The following GARNL3 variants were observed in gnomAD, a reference collection of about 807,000 sequenced individuals.
GARNL3 encodes the protein GTPase activating Rap/RanGAP domain like 3, also known as GTPase-activating Rap/Ran-GAP domain-like protein 3.
In GARNL3, 63 loss-of-function variants were observed where a neutral mutation model predicts 125.0. The ratio of observed to expected loss-of-function variants is 0.50; its 90% CI spans 0.41 to 0.62. The LOEUF is 0.62. Ranked by LOEUF, GARNL3 falls within the 20% of genes least tolerant of loss-of-function variation. The pLI, the probability that GARNL3 is intolerant of heterozygous loss-of-function variation, is 0.00. For missense variants in GARNL3, 994 were observed against 1,244.0 expected (o/e 0.80, Z 3.02); for synonymous variants, 439 against 457.5 (o/e 0.96, Z 0.52).
intron 8 of GARNL3, 89 bp downstream of exon 8, chr9:127,332,438 G>A: frequency 2.0e-6 from 2 of 1,006,658 alleles, no homozygotes; most frequent in Non-Finnish European, 3.1e-6. Flanking sequence ...TGTCTGTTGA[G>A]TTGGAGTCTT....
chr9:127,332,979 T>A, intron 8 of GARNL3, 44 bp from the exon 9 acceptor site: 1 of 1,335,650 alleles, frequency 7.5e-7, no homozygotes, highest in Non-Finnish European at 1.1e-6. Flanking sequence ...AAATGAGGAC[T>A]TGTTGATGCC....
chr9:127,355,184 T>C (rs1830621669), intron 19 of GARNL3, 113 bp from the exon 20 acceptor site: 11 of 793,228 alleles, frequency 1.4e-5, no homozygotes, highest in Non-Finnish European at 2.1e-5. Context: ...TCTCAGTCCA[T>C]TCACTGAGTT....
In GARNL3 at chr9:127,242,189, C is replaced by T. The variant is rs992005109; in HGVS notation, c.-28-890C>T. On this transcript the variant is annotated intron_variant, in intron 1 of 10. Transcript: ENST00000439286. The surrounding 1 kb of genome is among the most constrained non-coding windows in gnomAD (Gnocchi z 4.6). Reference sequence around the variant, plus strand: ...TCTTTCTTTCTTTTTTAAATTCACTCGCGACTCCAGCCAGAGATGTCACGT... The same window carrying T: ...TCTTTCTTTCTTTTTTAAATTCACTTGCGACTCCAGCCAGAGATGTCACGT... 6.6e-6 allele frequency among the ~76,000 whole-genome samples: 1 copy of T among 151,958 alleles called. No homozygotes were observed. The highest frequency in any genetic ancestry group is 2.4e-5 in the African/African-American group (1 of 41,364).
intron 21 of GARNL3, 24 bp from the exon 22 acceptor site, chr9:127,365,276 T>A (rs1249485235): frequency 1.2e-6 from 2 of 1,603,908 alleles, no homozygotes; most frequent in Non-Finnish European, 1.7e-6. Context: ...GCCTGCCCAC[T>A]ACCGTTGCCC....
chr9:127,389,100 G>A lies in GARNL3; in HGVS notation c.2724G>A (p.Arg908=), dbSNP rs779766331. Residue 908 remains arginine (R), a synonymous_variant, in exon 26 of 28, where the codon AGG becomes AGA. Coordinates refer to ENST00000373387, the MANE Select transcript of GARNL3 (RefSeq NM_032293.5). ...SRMEIKEIAS[R]TRRELLGLSD... ...TGGAGATCAAAGAAATAGCAAGCAG[G>A]ACCCGCAGGGAACTACTGGGTAATG... 4 of 1,613,722 alleles carry A rather than the reference G, an allele frequency of 2.5e-6. No individual in the cohort carries two copies. Among genetic ancestry groups the A allele is most frequent in the Non-Finnish European group, 3.4e-6 (4 of 1,179,640 alleles).
intron 4 of GARNL3, among the ~76,000 whole-genome samples, chr9:127,316,294 C>G (rs1343909781): frequency 2.0e-5 from 3 of 152,064 alleles, no homozygotes; most frequent in African/African-American, 7.2e-5. Context: ...GTAATCCCAG[C>G]ACTTTGGGAG....
intron 4 of GARNL3, among the ~76,000 whole-genome samples, chr9:127,317,198 C>T (rs893954688): frequency 1.3e-5 from 2 of 152,138 alleles, no homozygotes; most frequent in South Asian, 2.1e-4. Flanking sequence ...AAAATATATT[C>T]ATTGAGTATT....
chr9:127,247,835 T>C (rs1198446943), intron 2 of GARNL3, among the ~76,000 whole-genome samples: 1 of 152,222 alleles, frequency 6.6e-6, no homozygotes, highest in East Asian at 1.9e-4. Context: ...TTTTTTACTA[T>C]AGTCACCTTG....
intron 7 of GARNL3, among the ~76,000 whole-genome samples, chr9:127,331,504 GAA>G (rs35635452): frequency 7.3e-6 from 1 of 137,236 alleles, no homozygotes; most frequent in African/African-American, 2.6e-5. Context: ...AAAAAAGAAA[GAA>G]AAAAAAAAAC....
chr9:127,275,251 C>T (rs752850303), intron 1 of GARNL3, among the ~76,000 whole-genome samples: 8 of 152,116 alleles, frequency 5.3e-5, no homozygotes, highest in Non-Finnish European at 8.8e-5. Flanking sequence ...GTTTGAAAAC[C>T]ACTCTTTTAC....
chr9:127,298,207 T>C (rs989340747), intron 2 of GARNL3, among the ~76,000 whole-genome samples: 2 of 152,194 alleles, frequency 1.3e-5, no homozygotes, highest in East Asian at 3.8e-4. Flanking sequence ...GACGAAGTCT[T>C]GGCTCTTATT....
intron 13 of GARNL3, among the ~76,000 whole-genome samples, chr9:127,340,798 G>C (rs768671104): frequency 5.3e-5 from 8 of 151,894 alleles, no homozygotes; most frequent in Non-Finnish European, 1.0e-4. Context: ...TCAGGCCAGG[G>C]CAAGGGACAG....
chr9:127,277,958 T>G (rs146365622), intron 1 of GARNL3, among the ~76,000 whole-genome samples: 3 of 152,286 alleles, frequency 2.0e-5, no homozygotes, highest in South Asian at 2.1e-4. Flanking sequence ...TGTTATTGTA[T>G]CCCCAGCAGT....
Position 127,386,305 on chromosome 9 carries a change from T to C in GARNL3, c.2389-888T>C, listed in dbSNP as rs79648410. Among the ~76,000 whole-genome samples, 416 of 152,382 alleles carry C rather than the reference T, an allele frequency of 2.7e-3. 4 individuals carry two copies. Among genetic ancestry groups the C allele is most frequent in the African/African-American group, 9.7e-3 (402 of 41,592 alleles). ...ACTTCTTTCAGCTTCTGTACCAGAC[T>C]AAACACACTTCTACGTTTCTTGTTC... On this transcript the variant is annotated intron_variant, in intron 24 of 27. Coordinates refer to ENST00000373387, the MANE Select transcript of GARNL3 (RefSeq NM_032293.5).
At chr9:127,377,660 G>T (rs1240245194) in intron 22 of GARNL3, among the ~76,000 whole-genome samples, 2 of 151,946 alleles carry the variant, frequency 1.3e-5, no homozygotes, top group African/African-American at 4.8e-5. Context: ...GGTGGCATGT[G>T]CCTGTAATCC....
At chr9:127,260,858 A>T (rs977596244), upstream of GARNL3, among the ~76,000 whole-genome samples, 19 of 152,310 alleles carry the variant, frequency 1.2e-4, no homozygotes, top group African/African-American at 4.3e-4. Context: ...CAACTAAGAT[A>T]AAATTGCCTG....
intron 22 of GARNL3, among the ~76,000 whole-genome samples, chr9:127,373,214 A>T (rs1831701593): frequency 6.6e-6 from 1 of 152,242 alleles, no homozygotes; most frequent in African/African-American, 2.4e-5. Flanking sequence ...CACCAGATGA[A>T]CCAGGGACCT....
At chr9:127,236,237 G>A (rs2131149471) in intron 1 of GARNL3, among the ~76,000 whole-genome samples, 1 of 152,338 alleles carries the variant, frequency 6.6e-6, no homozygotes, top group East Asian at 1.9e-4. Context: ...ACTGTAAGGA[G>A]CAGTAAAAAA....
chr9:127,329,431 A>AC lies in GARNL3; in HGVS notation c.595-2838dup, dbSNP rs922923122. Reference sequence around the variant, plus strand: ...CCTTGGGTGCACAGGTACTTAAAAGACCCCCATCATGCAACCCTTGCTGCT... The same window carrying AC: ...CCTTGGGTGCACAGGTACTTAAAAGACCCCCCATCATGCAACCCTTGCTGCT... On this transcript the variant is annotated intron_variant, in intron 7 of 27. Coordinates refer to ENST00000373387, the MANE Select transcript of GARNL3 (RefSeq NM_032293.5). Among the ~76,000 whole-genome samples, 44 of 152,094 alleles carry AC rather than the reference A, an allele frequency of 2.9e-4. 1 individual carries two copies. Among genetic ancestry groups the AC allele is most frequent in the African/African-American group, 1.1e-3 (44 of 41,486 alleles).
Sources: gnomAD v4.1 joint callset for allele counts (sites outside exome capture counted in the v4.1 genomes callset) on GRCh38, gnomAD v4.1.1 for gene constraint, Gnocchi (gnomAD v3.1) non-coding constraint, MANE v1.5 for transcripts, NCBI Gene and HGNC (gene_info 2026-07-23, HGNC 2026-07-21) for gene names.